HSD11B1: variants seen among roughly 807,000 people sequenced by gnomAD.
The protein encoded by HSD11B1 is hydroxysteroid 11-beta dehydrogenase 1.
A neutral mutation model predicts 22.1 loss-of-function variants in HSD11B1; 15 were observed. That is an observed-to-expected ratio of 0.68 (90% CI 0.45 to 1.04). HSD11B1 has a LOEUF of 1.04. Among genes scored for constraint, HSD11B1 ranks in the 50% least tolerant of loss-of-function variants. The probability of loss-of-function intolerance (pLI) is 0.00; values close to 1 mark genes in which losing one functional copy is unlikely to be tolerated. For missense variants in HSD11B1, 281 were observed against 357.6 expected (o/e 0.79, Z 1.73); for synonymous variants, 122 against 125.2 (o/e 0.97, Z 0.17).
chr1:209,688,897 G>A (rs2076743236), intron 1 of HSD11B1, among the ~76,000 whole-genome samples: 1 of 152,206 alleles, frequency 6.6e-6, no homozygotes, highest in South Asian at 2.1e-4. Flanking sequence ...GAAAGTGGAT[G>A]GATGAGTAAT....
At chr1:209,699,671 A>G (rs2076815390) in intron 1 of HSD11B1, among the ~76,000 whole-genome samples, 1 of 152,106 alleles carries the variant, frequency 6.6e-6, no homozygotes. Flanking sequence ...CAGTCCCCCA[A>G]AGTTTTAACT....
At chr1:209,732,343 A>G in intron 4 of HSD11B1, 93 bp from the exon 5 acceptor site, 1 of 1,365,408 alleles carries the variant, frequency 7.3e-7, no homozygotes, top group Non-Finnish European at 1.0e-6. Context: ...AAAGGGGTAA[A>G]AGGACACCAT....
At chr1:209,731,672 T>A (rs1414008135) in intron 4 of HSD11B1, among the ~76,000 whole-genome samples, 1 of 152,136 alleles carries the variant, frequency 6.6e-6, no homozygotes, top group African/African-American at 2.4e-5. Context: ...TGGTGAACAT[T>A]TTTTTTAAAA....
chr1:209,726,220 G>A (rs2076999932), intron 4 of HSD11B1, among the ~76,000 whole-genome samples: 1 of 143,788 alleles, frequency 7.0e-6, no homozygotes, highest in African/African-American at 2.6e-5. Flanking sequence ...GGCGTAGGTT[G>A]CAGTGAGCCA....
chr1:209,703,827 A>G (rs1486530182), upstream of HSD11B1, among the ~76,000 whole-genome samples: 1 of 152,164 alleles, frequency 6.6e-6, no homozygotes, highest in Non-Finnish European at 1.5e-5. Context: ...GGTAATTTCC[A>G]TGAGTTGATT....
intron 1 of HSD11B1, among the ~76,000 whole-genome samples, chr1:209,689,136 G>A (rs773539917): frequency 1.3e-5 from 2 of 152,176 alleles, no homozygotes; most frequent in Admixed American, 6.5e-5. Flanking sequence ...TGGAAATAGC[G>A]AGATTAGAGA....
At chr1:209,720,241 A>G (rs2076956983) in intron 4 of HSD11B1, among the ~76,000 whole-genome samples, 1 of 152,236 alleles carries the variant, frequency 6.6e-6, no homozygotes, top group African/African-American at 2.4e-5. Context: ...TAACATCACC[A>G]GTAATGGAAT....
chr1:209,708,514 C>T lies in HSD11B1; in HGVS notation c.517+1386C>T, dbSNP rs139936539. ...TTCCCAGACAACACACACTCCCCAC[C>T]CCTCCCCAGACACAGACTCTCTCTG... is the stretch of plus-strand genomic sequence containing the variant. On this transcript the variant is annotated intron_variant, in intron 4 of 5. Transcript: ENST00000367027. Among the ~76,000 whole-genome samples the T allele has an allele frequency of 2.8e-3, 425 of 152,260 alleles. 2 individuals carry two copies. Among genetic ancestry groups the T allele is most frequent in the Non-Finnish European group, 4.9e-3 (336 of 68,008 alleles).
intron 1 of HSD11B1, among the ~76,000 whole-genome samples, chr1:209,696,104 G>T (rs1222563796): frequency 6.6e-6 from 1 of 152,218 alleles, no homozygotes; most frequent in South Asian, 2.1e-4. Context: ...TCAGACAAAA[G>T]ATTACACGTT....
At chr1:209,711,870 G>C (rs565855306) in intron 4 of HSD11B1, among the ~76,000 whole-genome samples, 1 of 152,292 alleles carries the variant, frequency 6.6e-6, no homozygotes, top group East Asian at 1.9e-4. Context: ...ATTTGAAAGG[G>C]AGGAAGACTC....
At chr1:209,732,911 C>A (rs2077044636) in intron 5 of HSD11B1, among the ~76,000 whole-genome samples, 1 of 152,100 alleles carries the variant, frequency 6.6e-6, no homozygotes, top group African/African-American at 2.4e-5. Flanking sequence ...TGTGGATAAA[C>A]AAGGGTGCTG....
chr1:209,689,319 A>G (rs1259138296), intron 1 of HSD11B1, among the ~76,000 whole-genome samples: 2 of 152,226 alleles, frequency 1.3e-5, no homozygotes, highest in Non-Finnish European at 2.9e-5. Flanking sequence ...CAAACACTAC[A>G]GACATTGATG....
intron 4 of HSD11B1, among the ~76,000 whole-genome samples, chr1:209,718,888 C>T (rs1370724973): frequency 1.3e-5 from 2 of 151,672 alleles, no homozygotes; most frequent in African/African-American, 4.8e-5. Context: ...GGCATGGTGG[C>T]AGGTGCCTGT....
chr1:209,694,850 G>A (rs565305661), intron 1 of HSD11B1, among the ~76,000 whole-genome samples: 1 of 152,324 alleles, frequency 6.6e-6, no homozygotes, highest in East Asian at 1.9e-4. Context: ...ATAGATTGGG[G>A]AAGGTGAGGT....
At chr1:209,726,098 C>G (rs372669376) in intron 4 of HSD11B1, among the ~76,000 whole-genome samples, 30 of 151,996 alleles carry the variant, frequency 2.0e-4, no homozygotes, top group African/African-American at 6.3e-4. Flanking sequence ...CTGGCCAACA[C>G]AGTAAAGCCC....
intron 5 of HSD11B1, among the ~76,000 whole-genome samples, chr1:209,733,901 G>C (rs549598325): frequency 1.6e-4 from 24 of 152,122 alleles, no homozygotes; most frequent in Admixed American, 1.6e-3. Flanking sequence ...AAGACAGTAA[G>C]TCATTATCAT....
chr1:209,707,237 G>C, intron 4 of HSD11B1, 109 bp downstream of exon 4: 1 of 933,900 alleles, frequency 1.1e-6, no homozygotes, highest in East Asian at 2.5e-5. Context: ...ATGCAGAGAA[G>C]TAATGAGGGA....
At chr1:209,697,965 C>CA (rs1202588927) in intron 1 of HSD11B1, among the ~76,000 whole-genome samples, 1 of 126,728 alleles carries the variant, frequency 7.9e-6, no homozygotes, top group Admixed American at 9.7e-5. Flanking sequence ...CTCCTAGCCA[C>CA]AAGTGATCCT....
chr1:209,700,465 T>C (rs1226264484), upstream of HSD11B1, among the ~76,000 whole-genome samples: 1 of 152,192 alleles, frequency 6.6e-6, no homozygotes, highest in Non-Finnish European at 1.5e-5. Context: ...GTCCCTAGCC[T>C]GCGCATAGCA....
Sources: gnomAD v4.1 joint callset for allele counts (sites outside exome capture counted in the v4.1 genomes callset) on GRCh38, gnomAD v4.1.1 for gene constraint, MANE v1.5 for transcripts, NCBI Gene and HGNC (gene_info 2026-07-23, HGNC 2026-07-21) for gene names.